The following LSAMP variants were observed in gnomAD, a reference collection of about 807,000 sequenced individuals.
The protein encoded by LSAMP is limbic system-associated membrane protein.
LSAMP carries 7 observed loss-of-function variants against 38.6 expected under a neutral mutation model. The observed-to-expected ratio is 0.18, with a 90% CI of 0.10 to 0.34. LSAMP has a LOEUF of 0.34. Ranked by LOEUF, LSAMP falls within the 10% of genes least tolerant of loss-of-function variation. The pLI is 1.00. For synonymous variants in LSAMP, 154 were observed against 166.8 expected (o/e 0.92, Z 0.59); for missense variants, 313 against 420.0 (o/e 0.75, Z 2.23).
intron 1 of LSAMP, among the ~76,000 whole-genome samples, chr3:116,105,833 T>C (rs1708453395): frequency 6.6e-6 from 1 of 151,756 alleles, no homozygotes; most frequent in African/African-American, 2.4e-5. Context: ...AACAAAATAG[T>C]GTTGAAGTGT....
chr3:116,057,739 G>A (rs375238402), intron 2 of LSAMP, among the ~76,000 whole-genome samples: 17 of 152,174 alleles, frequency 1.1e-4, no homozygotes, highest in African/African-American at 3.6e-4. Context: ...GACGTCATTT[G>A]AACTTCCAGA....
At chr3:115,822,901 A>G (rs954156036) in intron 6 of LSAMP, among the ~76,000 whole-genome samples, 7 of 152,226 alleles carry the variant, frequency 4.6e-5, no homozygotes, top group Admixed American at 6.5e-5. Flanking sequence ...GCTCTGTCAG[A>G]GTAAATAATG....
chr3:116,341,269 T>G (rs2047991520), intron 1 of LSAMP, among the ~76,000 whole-genome samples: 1 of 151,980 alleles, frequency 6.6e-6, no homozygotes, highest in Non-Finnish European at 1.5e-5. Flanking sequence ...ATAAAAATAG[T>G]GTTAAAAAGT....
intron 1 of LSAMP, among the ~76,000 whole-genome samples, chr3:116,215,852 C>T (rs559004529): frequency 5.9e-5 from 9 of 152,252 alleles, no homozygotes; most frequent in Admixed American, 2.0e-4. Flanking sequence ...CAGTGAATAA[C>T]ATGCTTAGAT....
Position 116,157,257 on chromosome 3 carries a change from G to T in LSAMP, c.156-70701C>A, listed in dbSNP as rs369207810. Among the ~76,000 whole-genome samples, 50 of 152,160 alleles carry T rather than the reference G, an allele frequency of 3.3e-4. 1 individual carries two copies. In the South Asian group the frequency reaches 0.01, roughly 32 times the overall value. Reference sequence around the variant, plus strand: ...TAAGAGTCCCTTTATCACTGAGACTGTGATTCTGTCTTTCTCCATAACTTA... The same window carrying T: ...TAAGAGTCCCTTTATCACTGAGACTTTGATTCTGTCTTTCTCCATAACTTA... On this transcript the variant is annotated intron_variant, in intron 1 of 6. Transcript: ENST00000490035.
chr3:115,884,690 AAATACG>A (rs1276710437), intron 3 of LSAMP, among the ~76,000 whole-genome samples: 3 of 152,058 alleles, frequency 2.0e-5, no homozygotes, highest in African/African-American at 7.2e-5. Context: ...ACAAGTTTAC[AAATACG>A]AGCAGAAGTC....
chr3:116,269,587 G>C (rs1033679186), intron 1 of LSAMP, among the ~76,000 whole-genome samples: 1 of 151,650 alleles, frequency 6.6e-6, no homozygotes, highest in Non-Finnish European at 1.5e-5. Flanking sequence ...CTAACATTGG[G>C]CTTATTTCAT....
intron 1 of LSAMP, among the ~76,000 whole-genome samples, chr3:116,442,702 G>A (rs2049453693): frequency 6.6e-6 from 1 of 152,170 alleles, no homozygotes; most frequent in Non-Finnish European, 1.5e-5. Context: ...AAGAAATGGT[G>A]TTTCATAGGC....
chr3:116,251,851 T>C (rs1005543690), intron 1 of LSAMP, among the ~76,000 whole-genome samples: 1 of 152,194 alleles, frequency 6.6e-6, no homozygotes, highest in African/African-American at 2.4e-5. Context: ...TTTAAATGGA[T>C]GGTAAATAGA....
At chr3:116,322,249 A>C (rs1403165062) in intron 1 of LSAMP, among the ~76,000 whole-genome samples, 1 of 152,182 alleles carries the variant, frequency 6.6e-6, no homozygotes, top group East Asian at 1.9e-4. Flanking sequence ...AGAACTGATA[A>C]ACTGTTGGAC....
intron 1 of LSAMP, among the ~76,000 whole-genome samples, chr3:116,280,890 C>T (rs1486153052): frequency 6.6e-6 from 1 of 151,902 alleles, no homozygotes; most frequent in Non-Finnish European, 1.5e-5. Context: ...GACATAACAC[C>T]CATCTAATGA....
chr3:116,420,863 A>G (rs976974979), intron 1 of LSAMP, among the ~76,000 whole-genome samples: 3 of 152,174 alleles, frequency 2.0e-5, no homozygotes, highest in African/African-American at 7.2e-5. Flanking sequence ...GGTGACAGAG[A>G]GAGACTTGTG....
chr3:116,159,192 C>T (rs72961520), intron 1 of LSAMP, among the ~76,000 whole-genome samples: 3,161 of 152,120 alleles, frequency 0.021, 107 homozygotes, highest in African/African-American at 0.07. Context: ...GGACATAGGA[C>T]GTTGCAAAGA....
At chr3:116,244,993 G>C (rs1559797179) in intron 1 of LSAMP, among the ~76,000 whole-genome samples, 1 of 152,096 alleles carries the variant, frequency 6.6e-6, no homozygotes, top group Admixed American at 6.5e-5. Context: ...ATAGTTATTA[G>C]GTTATCAGGG....
intron 1 of LSAMP, among the ~76,000 whole-genome samples, chr3:116,145,431 C>T (rs954933820): frequency 4.6e-5 from 7 of 151,922 alleles, no homozygotes; most frequent in African/African-American, 1.4e-4. Flanking sequence ...TCTAAAAATT[C>T]CAGCAGGCAT....
chr3:116,383,120 T>C (rs1455861272), intron 1 of LSAMP, among the ~76,000 whole-genome samples: 3 of 152,176 alleles, frequency 2.0e-5, no homozygotes, highest in African/African-American at 7.2e-5. Context: ...TAATTTATTA[T>C]TGAAGAGATT....
chr3:115,976,356 C>T (rs915258160), intron 3 of LSAMP, among the ~76,000 whole-genome samples: 1 of 151,928 alleles, frequency 6.6e-6, no homozygotes, highest in African/African-American at 2.4e-5. Flanking sequence ...GAGAAAAAAC[C>T]GACTTAGCAA....
At chr3:115,992,490 G>T (rs1453617012) in intron 3 of LSAMP, among the ~76,000 whole-genome samples, 3 of 151,956 alleles carry the variant, frequency 2.0e-5, no homozygotes, top group East Asian at 1.9e-4. Context: ...CTATTATCGG[G>T]GTTAAACCAG....
chr3:115,882,605 T>C (rs1399244249), intron 3 of LSAMP, among the ~76,000 whole-genome samples: 1 of 152,150 alleles, frequency 6.6e-6, no homozygotes, highest in Non-Finnish European at 1.5e-5. Flanking sequence ...GAGTATACTA[T>C]TTAAGTACTC....
Sources: allele counts gnomAD v4.1 joint callset (sites outside exome capture counted in the v4.1 genomes callset), GRCh38; gene constraint gnomAD v4.1.1; transcripts MANE v1.5; gene names NCBI Gene and HGNC (gene_info 2026-07-23, HGNC 2026-07-21).